INSYN2A: variants seen among roughly 807,000 people sequenced by gnomAD.
INSYN2A encodes the protein family with sequence similarity 196 member A.
A neutral mutation model predicts 39.4 loss-of-function variants in INSYN2A; 17 were observed. That is an observed-to-expected ratio of 0.43 (90% CI 0.30 to 0.65). INSYN2A has a LOEUF of 0.65. Ranked by LOEUF, INSYN2A falls within the 30% of genes least tolerant of loss-of-function variation. The pLI is 0.14. For synonymous variants in INSYN2A, 255 were observed against 265.7 expected (o/e 0.96, Z 0.39); for missense variants, 595 against 631.2 (o/e 0.94, Z 0.61).
At chr10:127,142,750 ACT>A (rs1291348551) in intron 5 of INSYN2A, among the ~76,000 whole-genome samples, 2 of 151,524 alleles carry the variant, frequency 1.3e-5, no homozygotes, top group African/African-American at 4.9e-5. Context: ...CCACCCAAAC[ACT>A]CTGTGCCCTG....
Position 127,175,729 on chromosome 10 carries a change from G to A in INSYN2A, c.667C>T (p.Gln223Ter). The A allele has an allele frequency of 6.2e-7, 1 of 1,614,046 alleles. No individual in the cohort carries two copies. The highest frequency in any genetic ancestry group is 8.5e-7 in the Non-Finnish European group (1 of 1,180,032). ...TCCTGCTTGGCCCTCCCGAGCAGCT[G>A]GTAATCGGGCTCTTCGGATGGAGGC... ...TRPPSEEPDY[Q>*]LLGRAKQDRG... Residue 223 changes from glutamine (Q) to a stop codon, truncating the protein, a stop_gained, in exon 4 of 6, where the codon CAG (glutamine) becomes TAG (stop). Coordinates refer to ENST00000522781, the MANE Select transcript of INSYN2A (RefSeq NM_001039762.3). LOFTEE classifies it high-confidence loss of function. The surrounding 1 kb of genome is among the most constrained non-coding windows in gnomAD (Gnocchi z 6.3).
At chr10:127,172,463 C>T (rs1483136668) in intron 4 of INSYN2A, among the ~76,000 whole-genome samples, 2 of 152,176 alleles carry the variant, frequency 1.3e-5, no homozygotes. Context: ...GAGCTTGCAT[C>T]TTATCTGCCT....
intron 5 of INSYN2A, among the ~76,000 whole-genome samples, chr10:127,140,962 T>C (rs1236281669): frequency 6.6e-6 from 1 of 152,196 alleles, no homozygotes; most frequent in East Asian, 1.9e-4. Flanking sequence ...CCATGGCTCT[T>C]GCTTCAGCTT....
intron 5 of INSYN2A, chr10:127,146,147 T>C (rs771045528): frequency 2.2e-6 from 1 of 457,074 alleles, no homozygotes; most frequent in South Asian, 1.7e-5. Context: ...ACTGACAGCG[T>C]AGTCCCCTCA....
intron 5 of INSYN2A, among the ~76,000 whole-genome samples, chr10:127,152,779 G>A (rs2052632757): frequency 6.6e-6 from 1 of 152,222 alleles, no homozygotes; most frequent in Non-Finnish European, 1.5e-5. Flanking sequence ...ATGTGCTGAT[G>A]TGGCCTTCGG....
At chr10:127,146,226 T>A in intron 5 of INSYN2A, 1 of 258,050 alleles carries the variant, frequency 3.9e-6, no homozygotes. Context: ...GCTGGGACTA[T>A]CAGTATAATT....
rs145407370 is a variant in INSYN2A, at chr10:127,153,909, G to A, written c.1199C>T (p.Thr400Met). The A allele has an allele frequency of 1.5e-5, 25 of 1,613,602 alleles. No homozygotes were observed. The highest frequency in any genetic ancestry group is 5.0e-5 in the Admixed American group (3 of 59,988). Reference sequence around the variant, plus strand: ...GTCACAATTAGCTGTGTCTTGCCCCGTCCGATATGAAAGCCTACAAGATAA... The same window carrying A: ...GTCACAATTAGCTGTGTCTTGCCCCATCCGATATGAAAGCCTACAAGATAA... Reference protein sequence around the residue: ...EAHREGLSYRTGQDTANCDTC... With the variant: ...EAHREGLSYRMGQDTANCDTC... Residue 400 changes from threonine (T) to methionine (M), a missense_variant, in exon 5 of 6, where the codon ACG becomes ATG. This residue lies in a region of INSYN2A where 117 missense variants were observed against 163.8 expected (regional missense o/e 0.71). Transcript: ENST00000522781.
chr10:127,195,111 T>A (rs1346632569), intron 1 of INSYN2A, among the ~76,000 whole-genome samples: 9 of 152,172 alleles, frequency 5.9e-5, no homozygotes, highest in Admixed American at 5.9e-4. Context: ...GGCATATTTT[T>A]GGGTAGTAGA....
chr10:127,182,350 C>A (rs930685173), intron 2 of INSYN2A, among the ~76,000 whole-genome samples: 2 of 152,144 alleles, frequency 1.3e-5, no homozygotes, highest in Admixed American at 6.5e-5. Context: ...ATAATGTAAA[C>A]CACAAAGGCT....
In INSYN2A at chr10:127,192,586, T is replaced by C. The variant is rs555292867; in HGVS notation, c.-269+19A>G. On this transcript the variant is annotated intron_variant, in intron 2 of 5. Coordinates refer to ENST00000522781, the MANE Select transcript of INSYN2A (RefSeq NM_001039762.3). Reference sequence around the variant, plus strand: ...AAGCACGTACGACTCAAATGCACACTGAATATCCTGTGACTTACAGTAGAG... The same window carrying C: ...AAGCACGTACGACTCAAATGCACACCGAATATCCTGTGACTTACAGTAGAG... 6.6e-6 allele frequency: 1 copy of C among 152,368 alleles called. No individual in the cohort carries two copies. Among genetic ancestry groups the C allele is most frequent in the Admixed American group, 6.5e-5 (1 of 15,310 alleles). The allele number at this position is 152,368 out of a possible 1,614,324, so 9.4% of individuals were successfully genotyped here. A position where few individuals can be genotyped will look rare whatever the true frequency, so the allele number is the denominator to read the frequency against.
At chr10:127,151,163 G>A (rs1004392907) in intron 5 of INSYN2A, among the ~76,000 whole-genome samples, 2 of 152,174 alleles carry the variant, frequency 1.3e-5, no homozygotes, top group South Asian at 2.1e-4. Context: ...AAGAGTAATC[G>A]TTAAACTTTA....
chr10:127,174,535 T>C (rs1892135), intron 4 of INSYN2A, among the ~76,000 whole-genome samples: 106,363 of 152,084 alleles, frequency 0.7, 37,506 homozygotes, highest in East Asian at 0.86. Flanking sequence ...CAATAAAGTA[T>C]TGGCCGTGAA....
At chr10:127,169,808 T>C (rs2054397411) in intron 4 of INSYN2A, among the ~76,000 whole-genome samples, 1 of 152,212 alleles carries the variant, frequency 6.6e-6, no homozygotes, top group Admixed American at 6.5e-5. Flanking sequence ...TATGTGTATG[T>C]GCACATGACC....
At position 127,175,693 on chromosome 10, in the gene INSYN2A, G is replaced by C; in HGVS notation, c.703C>G (p.Pro235Ala). The change falls in exon 4 of 6, where the codon CCA becomes GCA. Residue 235 changes from proline to alanine, a missense_variant. By Grantham distance (27) the Pro-to-Ala change is conservative (BLOSUM62 -1). Coordinates refer to ENST00000522781, the MANE Select transcript of INSYN2A (RefSeq NM_001039762.3). This position sits in a 1 kb window ranked among gnomAD's most constrained non-coding sequence, Gnocchi z 6.3. ...LGRAKQDRGR[P>A]NSEEPAPPAL... ...GGTGGAGCGGGCTCCTCGGAGTTTG[G>C]CCTCCCCCGGTCCTGCTTGGCCCTC... The C allele has an allele frequency of 1.2e-6, 2 of 1,613,820 alleles. 1 individual carries two copies. Among genetic ancestry groups the C allele is most frequent in the South Asian group, 2.2e-5 (2 of 91,050 alleles).
At position 127,137,736 on chromosome 10, in the gene INSYN2A, T is replaced by C; in HGVS notation, c.*101A>G. On this transcript the variant is annotated 3_prime_UTR_variant, in exon 6 of 6. Transcript: ENST00000522781. ...GGGCGAGAAGTGGGAGGTGCCTGAA[T>C]GGGCACCACAGTTCCCTCGATCCTA... 1 of 1,103,176 alleles carries C rather than the reference T, an allele frequency of 9.1e-7. No homozygotes were observed. The highest frequency in any genetic ancestry group is 1.3e-6 in the Non-Finnish European group (1 of 776,472). 68.3% of individuals were successfully genotyped at this position (1,103,176 alleles called of 1,614,324 possible). A position where few individuals can be genotyped will look rare whatever the true frequency, so the allele number is the denominator to read the frequency against.
chr10:127,179,149 G>A (rs2055473548), intron 2 of INSYN2A, among the ~76,000 whole-genome samples: 1 of 152,202 alleles, frequency 6.6e-6, no homozygotes, highest in South Asian at 2.1e-4. Context: ...AGTTTGTCCT[G>A]CCATGCTATT....
At chr10:127,153,115 C>G (rs1190769514) in intron 5 of INSYN2A, among the ~76,000 whole-genome samples, 1 of 152,148 alleles carries the variant, frequency 6.6e-6, no homozygotes, top group Admixed American at 6.5e-5. Flanking sequence ...CCAGTCTAAA[C>G]TTTAGAAAAA....
intron 2 of INSYN2A, among the ~76,000 whole-genome samples, chr10:127,187,455 A>G (rs148341300): frequency 1.3e-5 from 2 of 152,336 alleles, no homozygotes; most frequent in East Asian, 3.9e-4. Flanking sequence ...TGACCCCTGT[A>G]TGCTTTCGCC....
At chr10:127,155,548 G>C (rs1970633) in intron 4 of INSYN2A, among the ~76,000 whole-genome samples, 1 of 152,064 alleles carries the variant, frequency 6.6e-6, no homozygotes. Flanking sequence ...CAGGAGAGAG[G>C]GGGATGAACA....
Sources: allele counts gnomAD v4.1 joint callset (sites outside exome capture counted in the v4.1 genomes callset), GRCh38; gene constraint gnomAD v4.1.1; regional missense constraint gnomAD v4.1.1; non-coding constraint Gnocchi (gnomAD v3.1); transcripts MANE v1.5; gene names NCBI Gene and HGNC (gene_info 2026-07-23, HGNC 2026-07-21).